Variants in C5orf63 observed in about 807,000 individuals in gnomAD.
C5orf63 encodes glutaredoxin-like protein C5orf63.
Under a neutral mutation model 13.3 loss-of-function variants are expected in C5orf63, and 18 were observed. That is an observed-to-expected ratio of 1.36 (90% CI 0.94 to 2.01). The LOEUF (loss-of-function observed/expected upper bound fraction) is 2.01. C5orf63 is among the 30% of genes most tolerant of loss of function. C5orf63 has a pLI of 0.00. For missense variants in C5orf63, 118 were observed against 127.7 expected, an observed-to-expected ratio of 0.92 and a Z score of 0.36; for synonymous variants, 38 against 44.7, an observed-to-expected ratio of 0.85 and a Z score of 0.60.
At chr5:127,052,742 C>T (rs940340408) in intron 3 of C5orf63, 73 bp from the exon 4 acceptor site, 1 of 1,183,122 alleles carries the variant, frequency 8.5e-7, no homozygotes, top group Non-Finnish European at 1.1e-6. Flanking sequence ...CAAAACAAAA[C>T]AAAAAACCCA....
intron 4 of C5orf63, 55 bp from the exon 5 acceptor site, chr5:127,052,002 A>G (rs2240800): frequency 0.15 from 197,223 of 1,313,230 alleles, 16,196 homozygotes; most frequent in East Asian, 0.27. Context: ...TGATGTAACA[A>G]CTGCAGTGAT....
At position 127,055,993 on chromosome 5, in the gene C5orf63, G is replaced by T. The variant is rs75911730; in HGVS notation, c.114+2889C>A. 2.0e-5 allele frequency among the ~76,000 whole-genome samples: 3 copies of T among 152,252 alleles called. No homozygotes were observed. In the South Asian group the frequency reaches 6.2e-4, roughly 32 times the overall value. On this transcript the variant is annotated intron_variant, in intron 3 of 4. Coordinates refer to ENST00000296662, the MANE Select transcript of C5orf63 (RefSeq NM_001164478.2). ...TGGACCATTCAAATATCCTTCTCTAGGATTTTCCATGGCACTTGTTATTTA... is the reference window on the plus strand; with the variant it reads ...TGGACCATTCAAATATCCTTCTCTATGATTTTCCATGGCACTTGTTATTTA...
chr5:127,047,830 G>A (rs537960991), downstream of C5orf63: 59 of 703,734 alleles, frequency 8.4e-5, 1 homozygote, highest in South Asian at 7.4e-4. Flanking sequence ...TCTTTTCCCC[G>A]ACTGAGAAGC....
intron 2 of C5orf63, among the ~76,000 whole-genome samples, chr5:127,063,149 GA>G (rs1754173121): frequency 6.6e-6 from 1 of 152,324 alleles, no homozygotes; most frequent in Non-Finnish European, 1.5e-5. Flanking sequence ...AAGAGAAAGG[GA>G]ATGCTGGCCT....
intron 2 of C5orf63, among the ~76,000 whole-genome samples, chr5:127,068,736 C>G (rs1754419533): frequency 6.6e-6 from 1 of 152,154 alleles, no homozygotes; most frequent in Non-Finnish European, 1.5e-5. Flanking sequence ...TTCACACTTT[C>G]CAGATCATTG....
chr5:127,054,863 G>T (rs1753818910), intron 3 of C5orf63, among the ~76,000 whole-genome samples: 1 of 152,132 alleles, frequency 6.6e-6, no homozygotes, highest in African/African-American at 2.4e-5. Flanking sequence ...GGTTTTTATG[G>T]TTTTAAGTCT....
chr5:127,057,265 T>G, intron 3 of C5orf63, among the ~76,000 whole-genome samples: 1 of 152,190 alleles, frequency 6.6e-6, no homozygotes, highest in East Asian at 1.9e-4. Context: ...ACTTTGTTAT[T>G]AAATAACTGT....
chr5:127,062,970 C>T (rs1448266164), intron 2 of C5orf63, among the ~76,000 whole-genome samples: 5 of 151,244 alleles, frequency 3.3e-5, no homozygotes, highest in African/African-American at 9.8e-5. Context: ...GTTCACAATA[C>T]CAAAGAAGAA....
In C5orf63 at chr5:127,054,755, C is replaced by T. The variant is rs544820607; in HGVS notation, c.115-2086G>A. On this transcript the variant is annotated intron_variant, in intron 3 of 4. Transcript: ENST00000296662. ...CTTTAGTTTAATTAGATCCAGTTAG[C>T]CTATTTTGGCTTTTGTTGCCATTGC... is the stretch of plus-strand genomic sequence containing the variant. 5.3e-5 allele frequency among the ~76,000 whole-genome samples: 8 copies of T among 152,168 alleles called. No individual in the cohort carries two copies. In the East Asian group the frequency reaches 9.7e-4, roughly 18 times the overall value.
chr5:127,044,125 C>T (rs1025466507), downstream of C5orf63: 8 of 152,142 alleles, frequency 5.3e-5, no homozygotes, highest in African/African-American at 1.9e-4. Context: ...TTGGTGTTCT[C>T]AAATCATTAA....
intron 2 of C5orf63, among the ~76,000 whole-genome samples, chr5:127,068,203 G>A (rs62374040): frequency 0.017 from 2,546 of 152,266 alleles, 38 homozygotes; most frequent in Non-Finnish European, 0.028. Context: ...CTCCTGATCA[G>A]AGAAGGGGAA....
intron 3 of C5orf63, among the ~76,000 whole-genome samples, chr5:127,054,232 T>C (rs573713212): frequency 2.6e-5 from 4 of 152,244 alleles, no homozygotes; most frequent in Admixed American, 1.3e-4. Context: ...AATATGTGTA[T>C]ATATTTTTAT....
At chr5:127,048,785 T>G (rs985394390), downstream of C5orf63, among the ~76,000 whole-genome samples, 1 of 152,206 alleles carries the variant, frequency 6.6e-6, no homozygotes, top group African/African-American at 2.4e-5. Context: ...AGGTAAGAAG[T>G]GCTCCAAGAG....
At chr5:127,072,359 C>G (rs953699692) in intron 1 of C5orf63, among the ~76,000 whole-genome samples, 1 of 152,162 alleles carries the variant, frequency 6.6e-6, no homozygotes, top group Non-Finnish European at 1.5e-5. Flanking sequence ...TAATGCACCC[C>G]AATGTATACA....
In C5orf63 at chr5:127,051,740, AAG is replaced by A; in HGVS notation, c.*29_*30del. The A allele has an allele frequency of 6.1e-6, 9 of 1,465,838 alleles. No homozygotes were observed. The highest frequency in any genetic ancestry group is 8.1e-6 in the Non-Finnish European group (9 of 1,112,928). 90.8% of individuals were successfully genotyped at this position (1,465,838 alleles called of 1,614,324 possible). On this transcript the variant is annotated 3_prime_UTR_variant, in exon 5 of 5. Transcript: ENST00000296662. ...TTTCCTTAGGAAGATGCTTTATGGG[AAG>A]AGAGGGTGGAAAATCATGAGGGCAT...
chr5:127,047,501 T>C, downstream of C5orf63: 1 of 544,406 alleles, frequency 1.8e-6, no homozygotes, highest in Non-Finnish European at 3.2e-6. Flanking sequence ...GGATTCCTAG[T>C]CACATGACCA....
chr5:127,069,763 G>A (rs935321677), intron 2 of C5orf63, among the ~76,000 whole-genome samples: 3 of 152,066 alleles, frequency 2.0e-5, no homozygotes, highest in African/African-American at 4.8e-5. Context: ...ACAATCTTTT[G>A]AGTCCTATTC....
chr5:127,054,813 T>TG (rs1292627405), intron 3 of C5orf63, among the ~76,000 whole-genome samples: 1 of 152,226 alleles, frequency 6.6e-6, no homozygotes, highest in East Asian at 1.9e-4. Context: ...TCCTTGCCCA[T>TG]GCCTATGTCC....
intron 2 of C5orf63, among the ~76,000 whole-genome samples, chr5:127,069,349 A>G (rs1754447710): frequency 6.6e-6 from 1 of 152,208 alleles, no homozygotes; most frequent in East Asian, 1.9e-4. Flanking sequence ...AGGCAATTTC[A>G]TTAAACATCT....
Sources: gnomAD v4.1 joint callset for allele counts (sites outside exome capture counted in the v4.1 genomes callset) on GRCh38, gnomAD v4.1.1 for gene constraint, MANE v1.5 for transcripts, NCBI Gene and HGNC (gene_info 2026-07-23, HGNC 2026-07-21) for gene names.